Variants in TXNDC16 observed in about 807,000 individuals in gnomAD.
The protein encoded by TXNDC16 is thioredoxin domain containing 16, also known as thioredoxin domain-containing protein 16.
TXNDC16 carries 74 observed loss-of-function variants against 85.6 expected under a neutral mutation model. That is an observed-to-expected ratio of 0.86 (90% CI 0.72 to 1.05). The LOEUF (loss-of-function observed/expected upper bound fraction) is 1.05, where lower values mean the gene tolerates loss of function less well. TXNDC16 is among the 50% of genes least tolerant of loss of function. The pLI is 0.00. For synonymous variants in TXNDC16, 335 were observed against 326.5 expected, an observed-to-expected ratio of 1.03 and a Z score of -0.28; for missense variants, 959 against 947.0, an observed-to-expected ratio of 1.01 and a Z score of -0.17.
At chr14:52,452,983 T>C (rs2035446843) in intron 18 of TXNDC16, among the ~76,000 whole-genome samples, 2 of 152,094 alleles carry the variant, frequency 1.3e-5, no homozygotes, top group South Asian at 4.2e-4. Context: ...TACAACTCTG[T>C]ATCAGTAGGA....
rs367853515 is a variant in TXNDC16, at chr14:52,502,831, A to G, written c.756+8409T>C. Among the ~76,000 whole-genome samples the G allele has an allele frequency of 2.4e-4, 36 of 152,296 alleles. 1 individual carries two copies. Among genetic ancestry groups the G allele is most frequent in the African/African-American group, 8.2e-4 (34 of 41,580 alleles). ...AGGGAATTCCCTTTCCTAGCCAAGA[A>G]AAGGGGTGACAGACGGAACCTGGAA... On this transcript the variant is annotated intron_variant, in intron 9 of 20. Coordinates refer to ENST00000281741, the MANE Select transcript of TXNDC16 (RefSeq NM_020784.3).
chr14:52,461,487 A>C, intron 16 of TXNDC16, among the ~76,000 whole-genome samples: 1 of 152,224 alleles, frequency 6.6e-6, no homozygotes, highest in East Asian at 1.9e-4. Context: ...CATGACTTAA[A>C]GATTTTTAAT....
chr14:52,432,409 C>G lies in TXNDC16; in HGVS notation c.2373G>C (p.Pro791=). ...AATGCTTTATTCTCAGAGTTTCAATCGGTTCTTTTCTGACTGCCGATTTAT... is the reference window on the plus strand; with the variant it reads ...AATGCTTTATTCTCAGAGTTTCAATGGGTTCTTTTCTGACTGCCGATTTAT... The part of the protein sequence containing the change: ...HEDKSAVRKE[P]IETLRIKHWN... The change falls in exon 21 of 21, where the codon CCG becomes CCC. Residue 791 remains proline (P), a synonymous_variant. Coordinates refer to ENST00000281741, the MANE Select transcript of TXNDC16 (RefSeq NM_020784.3). The G allele has an allele frequency of 1.9e-6, 3 of 1,613,940 alleles. No homozygotes were observed. Among genetic ancestry groups the G allele is most frequent in the Non-Finnish European group, 2.5e-6 (3 of 1,179,942 alleles).
rs762533001 is a variant in TXNDC16, at chr14:52,511,264, A to C, written c.732T>G (p.Ile244Met). The change falls in exon 9 of 21, where the codon ATT becomes ATG. Residue 244 changes from isoleucine (I) to methionine (M), a missense_variant. Coordinates refer to ENST00000281741, the MANE Select transcript of TXNDC16 (RefSeq NM_020784.3). The stretch of plus-strand genomic sequence containing the variant: ...CCAACAGAGGTGCTTTCATTGTCTT[A>C]ATAAACAGGTGAATGTTCAGTGTAG... ...PLTTLNIHLF[I>M]KTMKAPLLTE... 3 of 1,583,210 alleles carry C rather than the reference A, an allele frequency of 1.9e-6. No homozygotes were observed. Among genetic ancestry groups the C allele is most frequent in the African/African-American group, 2.7e-5 (2 of 74,450 alleles).
rs201253861 is a variant in TXNDC16, at chr14:52,511,200, G to A, written c.756+40C>T. 4 of 1,421,630 alleles carry A rather than the reference G, an allele frequency of 2.8e-6. No homozygotes were observed. In the East Asian group the frequency reaches 7.6e-5, roughly 27 times the overall value. The allele number at this position is 1,421,630 out of a possible 1,614,324, so 88.1% of individuals were successfully genotyped here. On this transcript the variant is annotated intron_variant, in intron 9 of 20. Coordinates refer to ENST00000281741, the MANE Select transcript of TXNDC16 (RefSeq NM_020784.3). Reference sequence around the variant, plus strand: ...ACACATACCTTTTGCAATTATACAGGCAGTAGAAAGCAAATAAAAATATAA... The same window carrying A: ...ACACATACCTTTTGCAATTATACAGACAGTAGAAAGCAAATAAAAATATAA...
chr14:52,457,228 A>C (rs569207464), intron 16 of TXNDC16, 54 bp from the exon 17 acceptor site: 172 of 983,616 alleles, frequency 1.7e-4, no homozygotes, highest in Non-Finnish European at 1.7e-4. Context: ...TATGTATGCT[A>C]TTCAACTGAT....
intron 5 of TXNDC16, 33 bp from the exon 6 acceptor site, chr14:52,536,826 A>C (rs1454001294): frequency 6.7e-7 from 1 of 1,485,260 alleles, no homozygotes; most frequent in East Asian, 2.5e-5. Flanking sequence ...TTAATATTGA[A>C]AAATACAAAA....
chr14:52,452,377 T>C (rs1192176284), intron 18 of TXNDC16, among the ~76,000 whole-genome samples: 1 of 152,056 alleles, frequency 6.6e-6, no homozygotes, highest in Non-Finnish European at 1.5e-5. Flanking sequence ...GCCAAAGCTA[T>C]TCCTAAGCAA....
chr14:52,486,677 A>G (rs762349414), intron 12 of TXNDC16, among the ~76,000 whole-genome samples: 1 of 152,066 alleles, frequency 6.6e-6, no homozygotes, highest in Non-Finnish European at 1.5e-5. Flanking sequence ...AGTGATACAG[A>G]GGGAGGGGGA....
chr14:52,530,090 T>TTATATATTATATATATTTATATTA (rs1566581470), intron 6 of TXNDC16, among the ~76,000 whole-genome samples: 1 of 88,432 alleles, frequency 1.1e-5, no homozygotes, highest in Non-Finnish European at 1.9e-5. Context: ...TATTATGCAT[T>TTATATATTATATATATTTATATTA]TATATATTAT....
At chr14:52,504,679 C>G (rs940423769) in intron 9 of TXNDC16, among the ~76,000 whole-genome samples, 2 of 152,132 alleles carry the variant, frequency 1.3e-5, no homozygotes, top group African/African-American at 4.8e-5. Flanking sequence ...GCAAAATAAC[C>G]AGCTAACATC....
chr14:52,503,208 C>T (rs1309955876), intron 9 of TXNDC16, among the ~76,000 whole-genome samples: 1 of 152,208 alleles, frequency 6.6e-6, no homozygotes, highest in African/African-American at 2.4e-5. Flanking sequence ...ATGTCCCTGT[C>T]TGACAGGTTT....
At position 52,490,825 on chromosome 14, in the gene TXNDC16, G is replaced by A. The variant is rs375256150; in HGVS notation, c.923+14C>T. On this transcript the variant is annotated intron_variant, in intron 10 of 20. Coordinates refer to ENST00000281741, the MANE Select transcript of TXNDC16 (RefSeq NM_020784.3). ...GTTTTGCTAAATATAGTAAATATTC[G>A]ATGTTTAAGATACCTTAACAAGAGT... The A allele has an allele frequency of 7.5e-6, 12 of 1,596,338 alleles. No individual in the cohort carries two copies. In the East Asian group the frequency reaches 9.0e-5, roughly 12 times the overall value.
At chr14:52,480,034 T>A (rs1178729117) in intron 14 of TXNDC16, among the ~76,000 whole-genome samples, 1 of 152,072 alleles carries the variant, frequency 6.6e-6, no homozygotes, top group Non-Finnish European at 1.5e-5. Context: ...CAACTGATCT[T>A]CAACAAAGCA....
chr14:52,499,999 G>T (rs1427865718), intron 9 of TXNDC16, among the ~76,000 whole-genome samples: 1 of 151,536 alleles, frequency 6.6e-6, no homozygotes, highest in Admixed American at 6.6e-5. Flanking sequence ...TTTTTCATCT[G>T]CAGTTGGTTT....
intron 20 of TXNDC16, among the ~76,000 whole-genome samples, chr14:52,436,575 T>C (rs1166122418): frequency 6.6e-6 from 1 of 152,178 alleles, no homozygotes; most frequent in Non-Finnish European, 1.5e-5. Flanking sequence ...TATGGTATAT[T>C]ATATTTCAAT....
chr14:52,502,755 G>A (rs558034603), intron 9 of TXNDC16, among the ~76,000 whole-genome samples: 27 of 152,262 alleles, frequency 1.8e-4, no homozygotes, highest in Admixed American at 1.0e-3. Flanking sequence ...CGCACCGAGC[G>A]TGACCCGAAG....
chr14:52,529,006 T>A (rs2037408913), intron 6 of TXNDC16, among the ~76,000 whole-genome samples: 1 of 147,918 alleles, frequency 6.8e-6, no homozygotes, highest in African/African-American at 2.5e-5. Context: ...TATTATATAT[T>A]TTATCTATAT....
intron 10 of TXNDC16, 137 bp from the exon 11 acceptor site, chr14:52,490,588 T>C: frequency 1.2e-6 from 1 of 800,894 alleles, no homozygotes; most frequent in Non-Finnish European, 1.9e-6. Context: ...ACTGAAAAAT[T>C]TTACACGTAA....
Sources: allele counts gnomAD v4.1 joint callset (sites outside exome capture counted in the v4.1 genomes callset), GRCh38; gene constraint gnomAD v4.1.1; transcripts MANE v1.5; gene names NCBI Gene and HGNC (gene_info 2026-07-23, HGNC 2026-07-21).